Variants in ANK1 observed in about 807,000 individuals in gnomAD.
The protein encoded by ANK1 is ankyrin-1.
In ANK1, 51 loss-of-function variants were observed where a neutral mutation model predicts 210.4. That is an observed-to-expected ratio of 0.24 (90% CI 0.19 to 0.31). ANK1 has a LOEUF of 0.31. ANK1 is among the 10% of genes least tolerant of loss of function. The pLI is 1.00. For synonymous variants in ANK1, 967 were observed against 1,025.9 expected, an observed-to-expected ratio of 0.94 and a Z score of 1.10; for missense variants, 2,051 against 2,504.4, an observed-to-expected ratio of 0.82 and a Z score of 3.86.
chr8:41,892,877 T>A (rs1439991063), intron 1 of ANK1, among the ~76,000 whole-genome samples: 2 of 152,196 alleles, frequency 1.3e-5, no homozygotes, highest in African/African-American at 4.8e-5. Context: ...TACACAGCTA[T>A]GAATAGGACA....
chr8:41,683,189 C>T (rs1463789460), intron 37 of ANK1, among the ~76,000 whole-genome samples: 1 of 152,212 alleles, frequency 6.6e-6, no homozygotes, highest in African/African-American at 2.4e-5. Flanking sequence ...CCATGACATG[C>T]ATGTGGACGT....
At chr8:41,762,768 T>A (rs1446363549) in intron 1 of ANK1, among the ~76,000 whole-genome samples, 1 of 152,240 alleles carries the variant, frequency 6.6e-6, no homozygotes, top group Non-Finnish European at 1.5e-5. Context: ...AGAATAAGAA[T>A]GTTAAAGAGA....
rs141722021 is a variant in ANK1 at position 41,825,944 on chromosome 8, C to T, written c.127-67807G>A. Among the ~76,000 whole-genome samples, 154 of 152,282 alleles carry T rather than the reference C, an allele frequency of 1.0e-3. 1 individual carries two copies. In the East Asian group the frequency reaches 0.028, roughly 27 times the overall value. On this transcript the variant is annotated intron_variant, in intron 1 of 42. Transcript: ENST00000265709. ...CATGTGGAACTGTGAGTCCATTAAA[C>T]CTCTTTTTCTTAATAAATTACCCAG...
At position 41,672,363 on chromosome 8, in the gene ANK1, C is replaced by T. The variant is rs774399914; in HGVS notation, c.5087G>A (p.Ser1696Asn). ...ACAGTCAAGCTCTTACCTGTCCTGA[C>T]TCCTCTCCGTCACCTGACTCACGGT... ...SPTVSQVTERSQDRLQDWDAD... is the reference protein window; with the variant it reads ...SPTVSQVTERNQDRLQDWDAD... Residue 1696 changes from serine (S) to asparagine (N), a missense_variant, in exon 38 of 43, where the codon AGT becomes AAT. By Grantham distance (46) the Ser-to-Asn change is conservative. Coordinates refer to ENST00000289734, the MANE Select transcript of ANK1 (RefSeq NM_000037.4). 2 of 1,614,100 alleles carry T rather than the reference C, an allele frequency of 1.2e-6. No individual in the cohort carries two copies. The highest frequency in any genetic ancestry group is 1.7e-5 in the Admixed American group (1 of 60,010).
chr8:41,854,952 GA>G (rs58277361), intron 1 of ANK1, among the ~76,000 whole-genome samples: 1,678 of 129,420 alleles, frequency 0.013, 26 homozygotes, highest in African/African-American at 0.04. Context: ...TATCTCAAAA[GA>G]AAAAAAAAAA....
intron 1 of ANK1, among the ~76,000 whole-genome samples, chr8:41,796,782 C>T (rs920505593): frequency 1.3e-5 from 2 of 151,826 alleles, no homozygotes; most frequent in Non-Finnish European, 2.9e-5. Flanking sequence ...CCGTACCCAA[C>T]AAAGGACACT....
At chr8:41,680,386 G>T (rs941596208) in intron 37 of ANK1, among the ~76,000 whole-genome samples, 1 of 151,994 alleles carries the variant, frequency 6.6e-6, no homozygotes, top group African/African-American at 2.4e-5. Flanking sequence ...AACATGGTGA[G>T]ATCCCCGTCT....
At chr8:41,823,975 T>C (rs1460346539) in intron 1 of ANK1, among the ~76,000 whole-genome samples, 1 of 152,138 alleles carries the variant, frequency 6.6e-6, no homozygotes, top group Non-Finnish European at 1.5e-5. Flanking sequence ...TTGTTTTGTT[T>C]TTGAGACAGA....
intron 1 of ANK1, among the ~76,000 whole-genome samples, chr8:41,850,112 G>A (rs186197663): frequency 1.3e-5 from 2 of 152,240 alleles, no homozygotes; most frequent in East Asian, 1.9e-4. Flanking sequence ...GAAGTCACTC[G>A]CTTCACCCTT....
chr8:41,773,030 T>C (rs1843256743), intron 1 of ANK1, among the ~76,000 whole-genome samples: 1 of 152,176 alleles, frequency 6.6e-6, no homozygotes, highest in Non-Finnish European at 1.5e-5. Flanking sequence ...AATGTCACAT[T>C]GAATTCAATC....
chr8:41,685,428 G>A (rs1324663540), intron 36 of ANK1, among the ~76,000 whole-genome samples: 1 of 152,190 alleles, frequency 6.6e-6, no homozygotes, highest in Non-Finnish European at 1.5e-5. Context: ...ACTGGTTGAG[G>A]AGGAGCTGAA....
chr8:41,843,877 T>A (rs575415059), intron 1 of ANK1, among the ~76,000 whole-genome samples: 1 of 152,026 alleles, frequency 6.6e-6, no homozygotes, highest in African/African-American at 2.4e-5. Flanking sequence ...AATCACACAT[T>A]TGTCACTGAG....
chr8:41,734,105 G>A (rs1365231454), intron 2 of ANK1, 36 bp from the exon 3 acceptor site: 1 of 1,569,598 alleles, frequency 6.4e-7, no homozygotes, highest in Non-Finnish European at 8.8e-7. Context: ...GGCATGGTTA[G>A]TCAAATGGTG....
At chr8:41,708,220 T>G (rs2150620418) in intron 17 of ANK1, among the ~76,000 whole-genome samples, 1 of 152,352 alleles carries the variant, frequency 6.6e-6, no homozygotes, top group South Asian at 2.1e-4. Context: ...TAGTCTTTTT[T>G]TTTGGGTCAC....
intron 33 of ANK1, among the ~76,000 whole-genome samples, chr8:41,688,871 A>G (rs920241687): frequency 6.6e-6 from 1 of 152,208 alleles, no homozygotes; most frequent in Non-Finnish European, 1.5e-5. Context: ...ACGGCAACCT[A>G]AGAGGTGGGT....
intron 1 of ANK1, among the ~76,000 whole-genome samples, chr8:41,871,137 G>A (rs1815407232): frequency 6.6e-6 from 1 of 152,166 alleles, no homozygotes; most frequent in African/African-American, 2.4e-5. Flanking sequence ...GCTTCTGGAG[G>A]GAACACTGCA....
intron 2 of ANK1, among the ~76,000 whole-genome samples, chr8:41,756,353 C>T (rs1158209496): frequency 6.6e-6 from 1 of 151,102 alleles, no homozygotes; most frequent in African/African-American, 2.4e-5. Flanking sequence ...ACCATATTGG[C>T]CAGGCTAGTC....
At chr8:41,705,591 T>C (rs904239549) in intron 18 of ANK1, among the ~76,000 whole-genome samples, 5 of 152,196 alleles carry the variant, frequency 3.3e-5, no homozygotes, top group Non-Finnish European at 7.3e-5. Context: ...GCTTCTTCCA[T>C]GAAGCCCACC....
intron 1 of ANK1, among the ~76,000 whole-genome samples, chr8:41,812,277 T>C (rs1318922250): frequency 6.6e-6 from 1 of 152,148 alleles, no homozygotes; most frequent in Non-Finnish European, 1.5e-5. Flanking sequence ...ATAATACAGA[T>C]GAACAGGGAG....
Sources: gnomAD v4.1 joint callset for allele counts (sites outside exome capture counted in the v4.1 genomes callset) on GRCh38, gnomAD v4.1.1 for gene constraint, MANE v1.5 for transcripts, NCBI Gene and HGNC (gene_info 2026-07-23, HGNC 2026-07-21) for gene names.